Variants in CDKN2B-AS1 observed in about 807,000 individuals in gnomAD.
The protein encoded by CDKN2B-AS1 is CDKN2B antisense RNA 1 (non-protein coding).
intron 3 of CDKN2B-AS1, among the ~76,000 whole-genome samples, chr9:22,054,623 A>C (rs1450113790): frequency 6.6e-6 from 1 of 151,880 alleles, no homozygotes; most frequent in African/African-American, 2.4e-5. Flanking sequence ...TAGGATTGAA[A>C]ATCAAATCCA....
chr9:22,124,461 G>A (rs1401522555), intron 4 of CDKN2B-AS1, among the ~76,000 whole-genome samples: 2 of 152,188 alleles, frequency 1.3e-5, no homozygotes, highest in Non-Finnish European at 2.9e-5. Context: ...ACAAGTCAGG[G>A]TGTGGTCATT....
rs1563939463 is a variant in CDKN2B-AS1, at chr9:22,039,003, G to A, written n.30-7748G>A. Among the ~76,000 whole-genome samples, 1 of 151,882 alleles carries A rather than the reference G, an allele frequency of 6.6e-6. No individual in the cohort carries two copies. The highest frequency in any genetic ancestry group is 6.6e-5 in the Admixed American group (1 of 15,232). ...TTTATCTGAGAAAATTTCCAGTTAGGACATGGAAATTTTTTCCTTGTCAAT... is the reference window on the plus strand; with the variant it reads ...TTTATCTGAGAAAATTTCCAGTTAGAACATGGAAATTTTTTCCTTGTCAAT... On this transcript the variant is annotated intron_variant and non_coding_transcript_variant, in intron 1 of 4. Coordinates refer to ENST00000650946, the Ensembl canonical transcript of CDKN2B-AS1. The surrounding 1 kb of genome is among the most constrained non-coding windows in gnomAD (Gnocchi z 4.4).
intron 1 of CDKN2B-AS1, among the ~76,000 whole-genome samples, chr9:22,031,419 A>C (rs1822462948): frequency 6.6e-6 from 1 of 152,198 alleles, no homozygotes; most frequent in Non-Finnish European, 1.5e-5. Context: ...GCATAACTAT[A>C]CCCATTTTAA....
At chr9:22,103,605 C>A (rs1378101013) in intron 4 of CDKN2B-AS1, among the ~76,000 whole-genome samples, 3 of 152,014 alleles carry the variant, frequency 2.0e-5, no homozygotes, top group Non-Finnish European at 4.4e-5. Context: ...AACAACTCCT[C>A]CTGAGAAAGA....
rs578029302 is a variant in CDKN2B-AS1, at chr9:22,012,064, A to T, written n.29+16903A>T. 5.0e-6 allele frequency: 3 copies of T among 603,690 alleles called. No individual in the cohort carries two copies. The East Asian group carries it at 8.7e-5, about 17-fold the overall frequency. The allele number at this position is 603,690 out of a possible 1,614,324, so 37.4% of individuals were successfully genotyped here. ...TAATATTTTTATATTCTAGTTGGTG[A>T]AATTGTCTGTATATGACCTTGATAT... On this transcript the variant is annotated intron_variant and non_coding_transcript_variant, in intron 1 of 4. Coordinates refer to ENST00000650946, the Ensembl canonical transcript of CDKN2B-AS1.
At chr9:22,017,559 A>G (rs1390039053) in intron 1 of CDKN2B-AS1, among the ~76,000 whole-genome samples, 1 of 152,178 alleles carries the variant, frequency 6.6e-6, no homozygotes, top group Non-Finnish European at 1.5e-5. Context: ...TCATTCTTGA[A>G]TAAAGTTATT....
chr9:22,030,668 C>G (rs1161881372), intron 1 of CDKN2B-AS1: 3 of 151,892 alleles, frequency 2.0e-5, no homozygotes, highest in Admixed American at 2.0e-4. Flanking sequence ...CTGCAACTTA[C>G]TAGGTAAGTG....
At chr9:22,020,419 T>C (rs865813797) in intron 1 of CDKN2B-AS1, among the ~76,000 whole-genome samples, 2 of 152,174 alleles carry the variant, frequency 1.3e-5, no homozygotes, top group South Asian at 2.1e-4. Context: ...GGTTGAATGG[T>C]ATTTCTGTCT....
chr9:22,006,294 G>A lies in CDKN2B-AS1; in HGVS notation n.29+11133G>A. ...TCAGAGCCAGGGTGGGGGCAGGTAT[G>A]GGAGATGCCGGCCGGGGCAAGGCAG... On this transcript the variant is annotated intron_variant and non_coding_transcript_variant, in intron 1 of 4. Transcript: ENST00000650946. This position sits in a 1 kb window ranked among gnomAD's most constrained non-coding sequence, Gnocchi z 6.4. 1.9e-6 allele frequency: 3 copies of A among 1,598,432 alleles called. No individual in the cohort carries two copies. Among genetic ancestry groups the A allele is most frequent in the Non-Finnish European group, 2.5e-6 (3 of 1,179,376 alleles).
At chr9:22,064,016 G>T (rs1823931872) in intron 4 of CDKN2B-AS1, 1 of 152,212 alleles carries the variant, frequency 6.6e-6, no homozygotes, top group Non-Finnish European at 1.5e-5. Context: ...GAAGACACTG[G>T]AGGTACACAG....
intron 4 of CDKN2B-AS1, among the ~76,000 whole-genome samples, chr9:22,115,530 AC>A (rs1825926491): frequency 6.6e-6 from 1 of 152,148 alleles, no homozygotes; most frequent in Non-Finnish European, 1.5e-5. Context: ...GGAAAGATAG[AC>A]ACTTTAGCCT....
chr9:22,127,075 C>CT (rs1341747623), intron 4 of CDKN2B-AS1, among the ~76,000 whole-genome samples: 1 of 152,060 alleles, frequency 6.6e-6, no homozygotes, highest in Admixed American at 6.6e-5. Flanking sequence ...TAAATGTTTT[C>CT]TTTTTTCTTT....
chr9:22,049,537 G>A (rs1275709798), intron 3 of CDKN2B-AS1, among the ~76,000 whole-genome samples: 3 of 152,090 alleles, frequency 2.0e-5, no homozygotes, highest in Non-Finnish European at 2.9e-5. Flanking sequence ...CTTACACAAG[G>A]GGCCCCACAG....
At chr9:22,074,850 C>G (rs1824434089) in intron 4 of CDKN2B-AS1, among the ~76,000 whole-genome samples, 1 of 152,156 alleles carries the variant, frequency 6.6e-6, no homozygotes, top group African/African-American at 2.4e-5. Context: ...GCCATGAAGG[C>G]TTTCATAGGC....
intron 4 of CDKN2B-AS1, among the ~76,000 whole-genome samples, chr9:22,114,458 T>C (rs768436059): frequency 6.6e-6 from 1 of 152,162 alleles, no homozygotes; most frequent in African/African-American, 2.4e-5. Context: ...TAGAGGAGCC[T>C]GGGCAGACTG....
chr9:22,061,599 G>A (rs1275019955), intron 4 of CDKN2B-AS1, among the ~76,000 whole-genome samples: 1 of 152,034 alleles, frequency 6.6e-6, no homozygotes, highest in African/African-American at 2.4e-5. Context: ...AATTTCATTA[G>A]GTAAGTAGTA....
chr9:22,010,887 G>T (rs905373665), intron 1 of CDKN2B-AS1, among the ~76,000 whole-genome samples: 1 of 152,148 alleles, frequency 6.6e-6, no homozygotes, highest in Non-Finnish European at 1.5e-5. Context: ...AAATATGTCA[G>T]AAAAATGAAA....
At chr9:22,027,472 C>G (rs1822289154) in intron 1 of CDKN2B-AS1, among the ~76,000 whole-genome samples, 1 of 152,206 alleles carries the variant, frequency 6.6e-6, no homozygotes, top group African/African-American at 2.4e-5. Context: ...TGATAAGAGT[C>G]TCTCGAAAAT....
chr9:22,023,420 T>C lies in CDKN2B-AS1; in HGVS notation n.30-23331T>C, dbSNP rs557214198. ...TCCTTCACTTAGTCTATTCTGTTATTAATACTTGTGATTGCATTATGAAAT... is the reference window on the plus strand; with the variant it reads ...TCCTTCACTTAGTCTATTCTGTTATCAATACTTGTGATTGCATTATGAAAT... On this transcript the variant is annotated intron_variant and non_coding_transcript_variant, in intron 1 of 4. Coordinates refer to ENST00000650946, the Ensembl canonical transcript of CDKN2B-AS1. Among the ~76,000 whole-genome samples the C allele has an allele frequency of 5.9e-5, 9 of 152,260 alleles. No individual in the cohort carries two copies. The South Asian group carries it at 1.9e-3, about 32-fold the overall frequency.
Sources: allele counts gnomAD v4.1 joint callset (sites outside exome capture counted in the v4.1 genomes callset), GRCh38; gene constraint gnomAD v4.1.1; non-coding constraint Gnocchi (gnomAD v3.1); transcripts MANE v1.5; gene names NCBI Gene and HGNC (gene_info 2026-07-23, HGNC 2026-07-21).